OR6C2: variants seen among roughly 807,000 people sequenced by gnomAD.
OR6C2 encodes the protein olfactory receptor family 6 subfamily C member 2, also known as olfactory receptor 6C2.
For missense variants in OR6C2, 435 were observed against 365.8 expected (o/e 1.19, Z -1.54); for synonymous variants, 146 against 134.2 (o/e 1.09, Z -0.61).
Position 55,453,298 on chromosome 12 carries a change from T to G in OR6C2, c.*146T>G, listed in dbSNP as rs1871530158. 3 of 595,820 alleles carry G rather than the reference T, an allele frequency of 5.0e-6. No individual in the cohort carries two copies. Among genetic ancestry groups the G allele is most frequent in the Non-Finnish European group, 8.8e-6 (3 of 342,762 alleles). The allele number at this position is 595,820 out of a possible 1,614,324, so 36.9% of individuals were successfully genotyped here. A position where few individuals can be genotyped will look rare whatever the true frequency, so the allele number is the denominator to read the frequency against. On this transcript the variant is annotated 3_prime_UTR_variant, in exon 2 of 2. Coordinates refer to ENST00000641202, the MANE Select transcript of OR6C2 (RefSeq NM_054105.2). ...TTTAATATTGCATCCTAATCCCATC[T>G]TTATCAAAATCCTTATTATTTCGAA...
At chr12:55,446,139 CCTTCCTTT>C (rs755298061) in intron 1 of OR6C2, among the ~76,000 whole-genome samples, 27 of 139,724 alleles carry the variant, frequency 1.9e-4, no homozygotes, top group Non-Finnish European at 3.1e-4. Flanking sequence ...TTCCTTCCTT[CCTTCCTTT>C]CTTTCTTTCT....
chr12:55,444,526 T>C (rs1871330263), intron 1 of OR6C2, among the ~76,000 whole-genome samples: 1 of 152,186 alleles, frequency 6.6e-6, no homozygotes, highest in African/African-American at 2.4e-5. Flanking sequence ...TGGTTAAATG[T>C]CTGGCCAGAA....
At position 55,452,063 on chromosome 12, in the gene OR6C2, C is replaced by A; in HGVS notation, c.-151C>A. On this transcript the variant is annotated 5_prime_UTR_variant, in exon 2 of 2. Coordinates refer to ENST00000641202, the MANE Select transcript of OR6C2 (RefSeq NM_054105.2). The stretch of plus-strand genomic sequence containing the variant: ...TTTAGAAAGGTTATTGGAACACTGG[C>A]AACATTGATTATTCTATAAAGGGAG... The A allele has an allele frequency of 1.9e-6, 1 of 525,390 alleles. No individual in the cohort carries two copies. The highest frequency in any genetic ancestry group is 3.3e-6 in the Non-Finnish European group (1 of 299,736). The allele number at this position is 525,390 out of a possible 1,614,324, so 32.5% of individuals were successfully genotyped here. A position where few individuals can be genotyped will look rare whatever the true frequency, so the allele number is the denominator to read the frequency against.
At chr12:55,448,655 A>AAAAAAAAAAAAAAG (rs1555179349) in intron 1 of OR6C2, among the ~76,000 whole-genome samples, 1 of 147,326 alleles carries the variant, frequency 6.8e-6, no homozygotes, top group African/African-American at 2.5e-5. Flanking sequence ...AAAAAAAAAA[A>AAAAAAAAAAAAAAG]AAAAGAAAGA....
rs1555179349 is a variant in OR6C2 at position 55,448,655 on chromosome 12, A to AAAAAAAG, written c.-887-2668_-887-2667insAAGAAAA. Among the ~76,000 whole-genome samples the AAAAAAAG allele has an allele frequency of 6.8e-5, 10 of 147,326 alleles. 1 individual carries two copies. Among genetic ancestry groups the AAAAAAAG allele is most frequent in the African/African-American group, 2.5e-4 (10 of 39,908 alleles). ...CTTCCATTCACTGCAAAAAAAAAAA[A>AAAAAAAG]AAAAGAAAGAAAAGAAAAGAAAAAA... is the stretch of plus-strand genomic sequence containing the variant. On this transcript the variant is annotated intron_variant, in intron 1 of 1. Transcript: ENST00000641202.
At chr12:55,449,842 T>A (rs951975582) in intron 1 of OR6C2, among the ~76,000 whole-genome samples, 1 of 151,936 alleles carries the variant, frequency 6.6e-6, no homozygotes, top group East Asian at 1.9e-4. Context: ...AAAGAAATAG[T>A]TCAGAGAGCA....
chr12:55,447,861 G>A (rs1226091434), intron 1 of OR6C2, among the ~76,000 whole-genome samples: 2 of 152,038 alleles, frequency 1.3e-5, no homozygotes, highest in Non-Finnish European at 2.9e-5. Flanking sequence ...CAACAGGTGG[G>A]ATTACTGGAT....
chr12:55,449,562 A>T (rs1283582822), intron 1 of OR6C2, among the ~76,000 whole-genome samples: 4 of 151,862 alleles, frequency 2.6e-5, no homozygotes, highest in African/African-American at 9.7e-5. Context: ...TATGAATTCC[A>T]CCTGATTTTT....
intron 1 of OR6C2, among the ~76,000 whole-genome samples, chr12:55,446,407 G>A (rs1007757894): frequency 2.0e-5 from 3 of 152,038 alleles, no homozygotes; most frequent in African/African-American, 4.8e-5. Flanking sequence ...TGGGATTACA[G>A]TCATGAGCCA....
At chr12:55,447,663 G>A (rs1023576175) in intron 1 of OR6C2, among the ~76,000 whole-genome samples, 4 of 152,002 alleles carry the variant, frequency 2.6e-5, no homozygotes, top group Non-Finnish European at 4.4e-5. Flanking sequence ...CAAATCACAT[G>A]ATTTTCTTCT....
chr12:55,450,519 CAG>C (rs1871447734), intron 1 of OR6C2, among the ~76,000 whole-genome samples: 1 of 152,044 alleles, frequency 6.6e-6, no homozygotes, highest in African/African-American at 2.4e-5. Flanking sequence ...ACCAGTGGAA[CAG>C]AAATCTCAAA....
chr12:55,447,130 T>C (rs572110174), intron 1 of OR6C2, among the ~76,000 whole-genome samples: 4 of 152,260 alleles, frequency 2.6e-5, no homozygotes, highest in African/African-American at 7.2e-5. Context: ...GAAGTTACGA[T>C]TCATTTAGAT....
intron 1 of OR6C2, among the ~76,000 whole-genome samples, chr12:55,444,726 C>T (rs891749235): frequency 5.9e-5 from 9 of 152,098 alleles, no homozygotes; most frequent in Admixed American, 2.6e-4. Context: ...GGCATGAAAA[C>T]GAAGATGACA....
chr12:55,444,456 A>T (rs1050648533), intron 1 of OR6C2, among the ~76,000 whole-genome samples: 1 of 152,204 alleles, frequency 6.6e-6, no homozygotes, highest in African/African-American at 2.4e-5. Context: ...AGCATATTAC[A>T]TTGCTTATAT....
chr12:55,445,403 A>C (rs759847540), intron 1 of OR6C2, among the ~76,000 whole-genome samples: 2 of 152,228 alleles, frequency 1.3e-5, no homozygotes, highest in Non-Finnish European at 2.9e-5. Flanking sequence ...TGATATTTGC[A>C]GTAATTTTTT....
In OR6C2 at chr12:55,452,727, A is replaced by AT; in HGVS notation, c.516dup (p.Asp173Ter). ...GCTCGAATTCTGTGACTCCAATGCC[A>AT]TTGATCATTTTAGCTGTGATGCAGG... On this transcript the variant is annotated frameshift_variant, in exon 2 of 2. Coordinates refer to ENST00000641202, the MANE Select transcript of OR6C2 (RefSeq NM_054105.2). LOFTEE classifies it low-confidence loss of function (END_TRUNC). 1 of 1,613,776 alleles carries AT rather than the reference A, an allele frequency of 6.2e-7. No individual in the cohort carries two copies. Among genetic ancestry groups the AT allele is most frequent in the Non-Finnish European group, 8.5e-7 (1 of 1,179,814 alleles).
Position 55,452,911 on chromosome 12 carries a change from A to G in OR6C2, c.698A>G (p.Lys233Arg), listed in dbSNP as rs1871516307. 1 of 1,613,674 alleles carries G rather than the reference A, an allele frequency of 6.2e-7. No individual in the cohort carries two copies. Among genetic ancestry groups the G allele is most frequent in the African/African-American group, 1.3e-5 (1 of 74,890 alleles). The change falls in exon 2 of 2, where the codon AAA (lysine) becomes AGA (arginine). Residue 233 changes from lysine (K) to arginine (R), a missense_variant. Transcript: ENST00000641202. ...AAGTTCCCTTCTGTTCAGCAAAGGA[A>G]AAAGGCCTTTTCTACCTGTTCATCC... ...ILKFPSVQQR[K>R]KAFSTCSSHM...
At chr12:55,447,080 G>A (rs1871377167) in intron 1 of OR6C2, among the ~76,000 whole-genome samples, 1 of 152,176 alleles carries the variant, frequency 6.6e-6, no homozygotes, top group Non-Finnish European at 1.5e-5. Context: ...AGGGCTGAAT[G>A]CTATTCTGCA....
Position 55,453,105 on chromosome 12 carries a change from G to T in OR6C2, c.892G>T (p.Ala298Ser). The T allele has an allele frequency of 6.2e-7, 1 of 1,613,216 alleles. No individual in the cohort carries two copies. Reference sequence around the variant, plus strand: ...CTTGAGGAACAAGCAAGTGAAACAAGCTTTCAGTGACTCTATAAAGAGGAT... The same window carrying T: ...CTTGAGGAACAAGCAAGTGAAACAATCTTTCAGTGACTCTATAAAGAGGAT... ...YTLRNKQVKQ[A>S]FSDSIKRIAF... The change falls in exon 2 of 2, where the codon GCT becomes TCT. Residue 298 changes from alanine (A) to serine (S), a missense_variant. Transcript: ENST00000641202.
Sources: allele counts gnomAD v4.1 joint callset (sites outside exome capture counted in the v4.1 genomes callset), GRCh38; gene constraint gnomAD v4.1.1; transcripts MANE v1.5; gene names NCBI Gene and HGNC (gene_info 2026-07-23, HGNC 2026-07-21).